WDPCP: variants seen among roughly 807,000 people sequenced by gnomAD.
The protein encoded by WDPCP is WD repeat-containing and planar cell polarity effector protein fritz homolog.
Under a neutral mutation model 93.1 loss-of-function variants are expected in WDPCP, and 71 were observed. That is an observed-to-expected ratio of 0.76 (90% CI 0.63 to 0.93). WDPCP has a LOEUF of 0.93. WDPCP is among the 40% of genes least tolerant of loss of function. The pLI, the probability that WDPCP is intolerant of heterozygous loss-of-function variation, is 0.00. For missense variants in WDPCP, 844 were observed against 887.4 expected (o/e 0.95, Z 0.62); for synonymous variants, 315 against 315.0 (o/e 1.00, Z 0.00).
At chr2:63,688,894 C>A (rs1046591102) in intron 2 of WDPCP, among the ~76,000 whole-genome samples, 2 of 152,038 alleles carry the variant, frequency 1.3e-5, no homozygotes, top group Non-Finnish European at 2.9e-5. Flanking sequence ...TGGATTAATG[C>A]CATTATTGTG....
intron 14 of WDPCP, among the ~76,000 whole-genome samples, chr2:63,205,512 T>C (rs1333627549): frequency 6.6e-6 from 1 of 152,226 alleles, no homozygotes; most frequent in Non-Finnish European, 1.5e-5. Context: ...TCATCAGTGT[T>C]TTCTAGTTTT....
chr2:63,228,121 T>G (rs1043571645), intron 14 of WDPCP, among the ~76,000 whole-genome samples: 3 of 152,122 alleles, frequency 2.0e-5, no homozygotes, highest in Non-Finnish European at 2.9e-5. Flanking sequence ...GAAAAAAGTT[T>G]ACTTTTATCT....
intron 2 of WDPCP, among the ~76,000 whole-genome samples, chr2:63,706,837 C>T (rs929038172): frequency 1.3e-5 from 2 of 151,696 alleles, no homozygotes; most frequent in East Asian, 3.9e-4. Context: ...AGGATGGTCT[C>T]GATCTCCTGA....
intron 2 of WDPCP, among the ~76,000 whole-genome samples, chr2:63,676,190 G>A (rs1710401739): frequency 6.6e-6 from 1 of 152,176 alleles, no homozygotes; most frequent in East Asian, 1.9e-4. Context: ...AGAATTTACA[G>A]GGCCAAGAAT....
At chr2:63,284,930 A>C (rs528183861) in intron 13 of WDPCP, among the ~76,000 whole-genome samples, 8 of 152,236 alleles carry the variant, frequency 5.3e-5, no homozygotes, top group Admixed American at 4.6e-4. Flanking sequence ...TAGACACACA[A>C]AAAAATTTAA....
intron 10 of WDPCP, among the ~76,000 whole-genome samples, chr2:63,383,842 T>C (rs966009740): frequency 2.6e-5 from 4 of 152,168 alleles, no homozygotes; most frequent in African/African-American, 4.8e-5. Context: ...TTTGACCTAA[T>C]TGACATTTAT....
At chr2:63,197,707 T>C (rs1384561506) in intron 14 of WDPCP, among the ~76,000 whole-genome samples, 1 of 152,198 alleles carries the variant, frequency 6.6e-6, no homozygotes, top group East Asian at 1.9e-4. Context: ...CTCCCACTTA[T>C]AAGTGAGAAC....
intron 12 of WDPCP, among the ~76,000 whole-genome samples, chr2:63,325,567 C>T (rs1043474608): frequency 9.9e-5 from 15 of 152,180 alleles, no homozygotes; most frequent in African/African-American, 3.6e-4. Flanking sequence ...GATGACTGTC[C>T]TCAAGGTCCG....
intron 1 of WDPCP, among the ~76,000 whole-genome samples, chr2:63,499,271 G>T (rs536223904): frequency 6.6e-6 from 1 of 152,126 alleles, no homozygotes; most frequent in South Asian, 2.1e-4. Flanking sequence ...ATACCCAAAA[G>T]AATAAATTAG....
chr2:63,248,367 T>C (rs1363094387), intron 14 of WDPCP, among the ~76,000 whole-genome samples: 1 of 152,182 alleles, frequency 6.6e-6, no homozygotes, highest in African/African-American at 2.4e-5. Flanking sequence ...TCTCTCTTGC[T>C]GCTTGCAGAT....
chr2:63,237,458 A>G (rs549218503), intron 14 of WDPCP, among the ~76,000 whole-genome samples: 5 of 152,280 alleles, frequency 3.3e-5, no homozygotes, highest in Non-Finnish European at 5.9e-5. Context: ...CTACAATTAC[A>G]TCCAGTAATC....
intron 3 of WDPCP, chr2:63,595,455 C>T: frequency 6.2e-7 from 1 of 1,613,184 alleles, no homozygotes; most frequent in Non-Finnish European, 8.5e-7. Context: ...ATATCACCCC[C>T]ATGATGGGTG....
intron 3 of WDPCP, among the ~76,000 whole-genome samples, chr2:63,625,758 C>T (rs983883689): frequency 6.6e-6 from 1 of 152,166 alleles, no homozygotes; most frequent in Non-Finnish European, 1.5e-5. Flanking sequence ...AATGGCCATA[C>T]TGCCTAAAGT....
intron 2 of WDPCP, among the ~76,000 whole-genome samples, chr2:63,713,411 G>A (rs1669290703): frequency 6.6e-6 from 1 of 152,208 alleles, no homozygotes; most frequent in Non-Finnish European, 1.5e-5. Flanking sequence ...GGCACTGTAG[G>A]ATGAGTATCA....
intron 17 of WDPCP, among the ~76,000 whole-genome samples, chr2:63,122,953 AG>A (rs1269058348): frequency 7.9e-5 from 12 of 152,046 alleles, no homozygotes; most frequent in African/African-American, 2.9e-4. Context: ...TATTTTAAGT[AG>A]TCACATATCA....
intron 1 of WDPCP, among the ~76,000 whole-genome samples, chr2:63,550,825 G>A (rs1367614578): frequency 6.7e-6 from 1 of 148,590 alleles, no homozygotes; most frequent in South Asian, 2.1e-4. Flanking sequence ...AGAAAGGCAA[G>A]CTGTTTCCCT....
At chr2:63,604,167 ATATCT>A (rs1222024669) in intron 3 of WDPCP, among the ~76,000 whole-genome samples, 2 of 152,250 alleles carry the variant, frequency 1.3e-5, no homozygotes, top group Non-Finnish European at 1.5e-5. Flanking sequence ...GAGGACAGTC[ATATCT>A]TGGTAATTTG....
intron 14 of WDPCP, among the ~76,000 whole-genome samples, chr2:63,257,642 G>A (rs1430912829): frequency 1.3e-5 from 2 of 152,200 alleles, no homozygotes; most frequent in African/African-American, 4.8e-5. Context: ...TGCTAGAAAT[G>A]ACGCAGGGCT....
rs751371598 is a variant in WDPCP at position 63,323,071 on chromosome 2, C to A, written c.1749-9760G>T. On this transcript the variant is annotated intron_variant, in intron 12 of 17. Coordinates refer to ENST00000272321, the MANE Select transcript of WDPCP (RefSeq NM_015910.7). ...TGTACTTCTGGACTGAGCCCAGGGT[C>A]GACAGAGAGGAAAGCCATTCAGCTC... 3.2e-4 allele frequency among the ~76,000 whole-genome samples: 48 copies of A among 152,294 alleles called. 1 individual carries two copies. The highest frequency in any genetic ancestry group is 5.7e-4 in the Non-Finnish European group (39 of 68,032).
Sources: gnomAD v4.1 joint callset for allele counts (sites outside exome capture counted in the v4.1 genomes callset) on GRCh38, gnomAD v4.1.1 for gene constraint, MANE v1.5 for transcripts, NCBI Gene and HGNC (gene_info 2026-07-23, HGNC 2026-07-21) for gene names.